MGAT5B: variants seen among roughly 807,000 people sequenced by gnomAD.
MGAT5B encodes the protein N-acetylglucosaminyl-transferase Vb.
MGAT5B carries 54 observed loss-of-function variants against 95.1 expected under a neutral mutation model. The ratio of observed to expected loss-of-function variants is 0.57; its 90% CI spans 0.46 to 0.71. The LOEUF is 0.71. MGAT5B is among the 30% of genes least tolerant of loss of function. MGAT5B has a pLI of 0.00. For missense variants in MGAT5B, 935 were observed against 1,088.6 expected, an observed-to-expected ratio of 0.86 and a Z score of 1.99; for synonymous variants, 464 against 451.0, an observed-to-expected ratio of 1.03 and a Z score of -0.36.
rs1461129549 is a variant in MGAT5B at position 76,940,041 on chromosome 17, G to A, written c.1585-361G>A. On this transcript the variant is annotated intron_variant, in intron 13 of 17. Transcript: ENST00000569840. This position sits in a 1 kb window ranked among gnomAD's most constrained non-coding sequence, Gnocchi z 4.3. ...AGGTTCCTGGAGGTCTCTTGCAGGT[G>A]CGGGCCTGCAGCTTTCTTGGCCTGA... Among the ~76,000 whole-genome samples, 1 of 152,182 alleles carries A rather than the reference G, an allele frequency of 6.6e-6. No individual in the cohort carries two copies. Among genetic ancestry groups the A allele is most frequent in the African/African-American group, 2.4e-5 (1 of 41,444 alleles).
rs1485367502 is a variant in MGAT5B, at chr17:76,904,406, C to G, written c.674C>G (p.Pro225Arg). The stretch of plus-strand genomic sequence containing the variant: ...ACGGCTGCCCAGAGGGCACCCAAGC[C>G]CCTCCCCAAAGTCCAGGTGGGCCTG... Reference protein sequence around the residue: ...NQTAAQRAPKPLPKVQAVFRS... With the variant: ...NQTAAQRAPKRLPKVQAVFRS... The change falls in exon 6 of 18, where the codon CCC becomes CGC. Residue 225 changes from proline to arginine, a missense_variant. Physicochemically the swap from Pro to Arg is moderately radical, Grantham distance 103. This residue lies in a region of MGAT5B where 243 missense variants were observed against 305.5 expected (regional missense o/e 0.80). Transcript: ENST00000569840. 2.6e-6 allele frequency: 4 copies of G among 1,560,550 alleles called. No homozygotes were observed. The East Asian group carries it at 9.5e-5, about 37-fold the overall frequency.
intron 10 of MGAT5B, among the ~76,000 whole-genome samples, chr17:76,931,933 C>T (rs1272912768): frequency 3.3e-5 from 5 of 152,072 alleles, no homozygotes; most frequent in Admixed American, 6.5e-5. Context: ...ACTGGTCACC[C>T]GGGGGCCTCA....
intron 3 of MGAT5B, among the ~76,000 whole-genome samples, chr17:76,901,825 C>T (rs1460380130): frequency 6.6e-6 from 1 of 152,280 alleles, no homozygotes; most frequent in Non-Finnish European, 1.5e-5. Context: ...GAAAAGGCCT[C>T]TGTCACCTGT....
At chr17:76,928,934 C>T (rs564688178) in intron 10 of MGAT5B, among the ~76,000 whole-genome samples, 22 of 151,342 alleles carry the variant, frequency 1.5e-4, no homozygotes, top group African/African-American at 5.1e-4. Flanking sequence ...GGCGCGACCT[C>T]GGCTCCCTGC....
At chr17:76,877,522 A>T (rs1341925012) in intron 2 of MGAT5B, among the ~76,000 whole-genome samples, 2 of 151,892 alleles carry the variant, frequency 1.3e-5, no homozygotes, top group Non-Finnish European at 2.9e-5. Context: ...GGCCCTTGGT[A>T]CTAAGGGGCC....
At chr17:76,898,629 T>C (rs1968188794) in intron 3 of MGAT5B, among the ~76,000 whole-genome samples, 2 of 152,196 alleles carry the variant, frequency 1.3e-5, no homozygotes, top group African/African-American at 2.4e-5. Flanking sequence ...TGGCTTATCA[T>C]GCTCAACATT....
At chr17:76,919,332 C>T (rs999490015) in intron 8 of MGAT5B, among the ~76,000 whole-genome samples, 5 of 152,174 alleles carry the variant, frequency 3.3e-5, no homozygotes, top group Admixed American at 1.3e-4. Context: ...AGGTGGGGAA[C>T]GTGACAGCTG....
intron 12 of MGAT5B, among the ~76,000 whole-genome samples, chr17:76,935,340 AG>A (rs1567822484): frequency 6.6e-6 from 1 of 152,248 alleles, no homozygotes; most frequent in African/African-American, 2.4e-5. Flanking sequence ...AATTTTTTGT[AG>A]AAACATATGC....
At chr17:76,897,701 C>CTTTCTTTCTT (rs2145172844) in intron 3 of MGAT5B, among the ~76,000 whole-genome samples, 1 of 105,292 alleles carries the variant, frequency 9.5e-6, no homozygotes, top group East Asian at 2.6e-4. Context: ...TTCTTTCTTT[C>CTTTCTTTCTT]TTTCTTTCTT....
At chr17:76,929,015 G>A (rs924493588) in intron 10 of MGAT5B, among the ~76,000 whole-genome samples, 11 of 151,936 alleles carry the variant, frequency 7.2e-5, no homozygotes, top group African/African-American at 2.7e-4. Flanking sequence ...ACAGGCACAC[G>A]TCACTTAGCC....
chr17:76,946,109 T>G, intron 15 of MGAT5B: 1 of 389,996 alleles, frequency 2.6e-6, no homozygotes, highest in Non-Finnish European at 4.6e-6. Flanking sequence ...CTCATTGCAG[T>G]TGGGACAGGG....
At chr17:76,884,495 A>G (rs535905811) in intron 3 of MGAT5B, among the ~76,000 whole-genome samples, 8 of 152,228 alleles carry the variant, frequency 5.3e-5, no homozygotes, top group Admixed American at 2.0e-4. Flanking sequence ...CAGCAGTGGC[A>G]CGGTCTCGGG....
rs1344395401 is a variant in MGAT5B at position 76,869,828 on chromosome 17, A to G, written c.68+731A>G. ...CGGCCAACACCTGGGGGCCCAGGCC[A>G]GGCAGGGCTGGGGCCGCGCGGGACT... On this transcript the variant is annotated intron_variant, in intron 1 of 17. Transcript: ENST00000569840. This position sits in a 1 kb window ranked among gnomAD's most constrained non-coding sequence, Gnocchi z 7.0. Among the ~76,000 whole-genome samples the G allele has an allele frequency of 1.3e-5, 2 of 152,026 alleles. No homozygotes were observed. The highest frequency in any genetic ancestry group is 2.9e-5 in the Non-Finnish European group (2 of 67,950).
rs1967772091 is a variant in MGAT5B, at chr17:76,889,006, G to A, written c.329+6708G>A. ...ACGAGGGTCGGCCTTGGGAAGAGGG[G>A]TGGGCGGTGATCAGAGGCCTCGCTT... On this transcript the variant is annotated intron_variant, in intron 3 of 17. Coordinates refer to ENST00000569840, the MANE Select transcript of MGAT5B (RefSeq NM_001199172.2). This position sits in a 1 kb window ranked among gnomAD's most constrained non-coding sequence, Gnocchi z 4.4. 6.6e-6 allele frequency among the ~76,000 whole-genome samples: 1 copy of A among 152,224 alleles called. No homozygotes were observed. The highest frequency in any genetic ancestry group is 2.4e-5 in the African/African-American group (1 of 41,446).
chr17:76,868,463 C>G lies in MGAT5B; in HGVS notation c.-567C>G, dbSNP rs1305020208. The G allele has an allele frequency of 1.3e-5, 2 of 150,536 alleles. No individual in the cohort carries two copies. Among genetic ancestry groups the G allele is most frequent in the African/African-American group, 2.4e-5 (1 of 41,334 alleles). The allele number at this position is 150,536 out of a possible 1,614,324, so 9.3% of individuals were successfully genotyped here. Reference sequence around the variant, plus strand: ...CTCCGGGCGTAGCGTCGCGCGGGGCCGGACGCCGGACACCAGAGCGCGGGC... The same window carrying G: ...CTCCGGGCGTAGCGTCGCGCGGGGCGGGACGCCGGACACCAGAGCGCGGGC... On this transcript the variant is annotated 5_prime_UTR_variant, in exon 1 of 18. Coordinates refer to ENST00000569840, the MANE Select transcript of MGAT5B (RefSeq NM_001199172.2). The surrounding 1 kb of genome is among the most constrained non-coding windows in gnomAD (Gnocchi z 6.3).
chr17:76,948,511 C>A, intron 17 of MGAT5B, 129 bp from the exon 18 acceptor site: 1 of 993,422 alleles, frequency 1.0e-6, no homozygotes, highest in South Asian at 1.7e-5. Context: ...ATTTCCTTAC[C>A]CAGGCTGGGA....
intron 13 of MGAT5B, among the ~76,000 whole-genome samples, chr17:76,939,689 G>C (rs1351748849): frequency 6.6e-6 from 1 of 152,018 alleles, no homozygotes; most frequent in Admixed American, 6.6e-5. Flanking sequence ...CCCACTCTGG[G>C]AGTCCCCAGG....
At chr17:76,879,502 G>A (rs573996494) in intron 2 of MGAT5B, among the ~76,000 whole-genome samples, 16 of 152,046 alleles carry the variant, frequency 1.1e-4, no homozygotes, top group South Asian at 2.1e-4. Flanking sequence ...ACTCCAGCCC[G>A]AGCTATGAGC....
intron 1 of MGAT5B, chr17:76,872,634 C>G: frequency 1.4e-6 from 2 of 1,456,212 alleles, no homozygotes; most frequent in Non-Finnish European, 1.8e-6. Context: ...TGTGGTTTCT[C>G]GTGTGGCTCG....
Sources: allele counts gnomAD v4.1 joint callset (sites outside exome capture counted in the v4.1 genomes callset), GRCh38; gene constraint gnomAD v4.1.1; regional missense constraint gnomAD v4.1.1; non-coding constraint Gnocchi (gnomAD v3.1); transcripts MANE v1.5; gene names NCBI Gene and HGNC (gene_info 2026-07-23, HGNC 2026-07-21).